The following BARD1 variants were observed in gnomAD, a reference collection of about 807,000 sequenced individuals.
The protein encoded by BARD1 is BRCA1 associated RING domain 1.
A neutral mutation model predicts 77.0 loss-of-function variants in BARD1; 73 were observed. The observed-to-expected ratio is 0.95, with a 90% confidence interval of 0.79 to 1.15. BARD1 has a LOEUF of 1.15. BARD1 is among the 50% of genes most tolerant of loss of function. The pLI, the probability that BARD1 is intolerant of heterozygous loss-of-function variation, is 0.00. For missense variants in BARD1, 993 were observed against 938.8 expected, an observed-to-expected ratio of 1.06 and a Z score of -0.75; for synonymous variants, 384 against 338.0, an observed-to-expected ratio of 1.14 and a Z score of -1.49.
rs1057521226 is a variant in BARD1, at chr2:214,780,956, A to G, written c.918T>C (p.Asn306=). The part of the protein sequence containing the change: ...EVVTPEKVCK[N]YLTSKKSLPL... Reference sequence around the variant, plus strand: ...GCAAAGATTTCTTAGATGTAAGATAATTTTTGCAGACCTTCTCAGGAGTCA... The same window carrying G: ...GCAAAGATTTCTTAGATGTAAGATAGTTTTTGCAGACCTTCTCAGGAGTCA... Residue 306 remains asparagine, a synonymous_variant, in exon 4 of 11, where the codon AAT becomes AAC. Transcript: ENST00000260947. 7 of 1,613,656 alleles carry G rather than the reference A, an allele frequency of 4.3e-6. No individual in the cohort carries two copies. The highest frequency in any genetic ancestry group is 4.5e-5 in the East Asian group (2 of 44,854).
chr2:214,785,546 T>C (rs1695234357), intron 3 of BARD1, among the ~76,000 whole-genome samples: 1 of 151,978 alleles, frequency 6.6e-6, no homozygotes. Flanking sequence ...GATGTTAGAA[T>C]TAATTTTAAG....
intron 4 of BARD1, among the ~76,000 whole-genome samples, chr2:214,770,839 T>TAAA (rs1694450150): frequency 6.6e-6 from 1 of 152,222 alleles, no homozygotes. Flanking sequence ...TCTTCTTTTT[T>TAAA]ATTTTCCTAG....
At chr2:214,732,524 TAGCTGG>T (rs1441065045) in intron 9 of BARD1, among the ~76,000 whole-genome samples, 1 of 152,074 alleles carries the variant, frequency 6.6e-6, no homozygotes, top group Non-Finnish European at 1.5e-5. Context: ...GCCTCCCAAG[TAGCTGG>T]GACTACAGGC....
chr2:214,807,665 A>G (rs1696335886), intron 1 of BARD1, among the ~76,000 whole-genome samples: 1 of 152,194 alleles, frequency 6.6e-6, no homozygotes, highest in Non-Finnish European at 1.5e-5. Context: ...TGGGTGCTCA[A>G]TAAATTTATG....
chr2:214,797,983 T>C (rs1695834603), intron 1 of BARD1, among the ~76,000 whole-genome samples: 2 of 152,244 alleles, frequency 1.3e-5, no homozygotes, highest in East Asian at 1.9e-4. Flanking sequence ...ATGGATGTAA[T>C]GTACCCAGAG....
At chr2:214,785,856 C>T (rs16852755) in intron 3 of BARD1, among the ~76,000 whole-genome samples, 16,662 of 151,968 alleles carry the variant, frequency 0.11, 1,133 homozygotes, top group African/African-American at 0.17. Context: ...CTAATTAACA[C>T]AGACAATCTC....
intron 3 of BARD1, among the ~76,000 whole-genome samples, chr2:214,782,827 G>T (rs887305874): frequency 1.3e-5 from 2 of 152,202 alleles, no homozygotes; most frequent in African/African-American, 4.8e-5. Context: ...TGACTGCCAT[G>T]TGGAGGAGGA....
rs1553622270 is a variant in BARD1, at chr2:214,780,809, T to C, written c.1065A>G (p.Glu355=). ...GDFVKQTVPS[E]NIPLPECSSP... is the part of the protein sequence containing the mutation. Reference sequence around the variant, plus strand: ...AAGAACATTCAGGCAATGGTATATTTTCTGAGGGCACCGTTTGCTTAACAA... The same window carrying C: ...AAGAACATTCAGGCAATGGTATATTCTCTGAGGGCACCGTTTGCTTAACAA... Residue 355 remains glutamate, a synonymous_variant, in exon 4 of 11, where the codon GAA becomes GAG. Coordinates refer to ENST00000260947, the MANE Select transcript of BARD1 (RefSeq NM_000465.4). 6.2e-7 allele frequency: 1 copy of C among 1,614,124 alleles called. No individual in the cohort carries two copies. Among genetic ancestry groups the C allele is most frequent in the East Asian group, 2.2e-5 (1 of 44,870 alleles).
At chr2:214,738,665 A>C (rs1692673731) in intron 9 of BARD1, among the ~76,000 whole-genome samples, 1 of 152,124 alleles carries the variant, frequency 6.6e-6, no homozygotes, top group South Asian at 2.1e-4. Context: ...TAAAAAAAGG[A>C]GGGGTGTTCC....
In BARD1 at chr2:214,745,724, G is replaced by C. The variant is rs730881421; in HGVS notation, c.1808C>G (p.Thr603Arg). The C allele has an allele frequency of 1.2e-6, 2 of 1,613,958 alleles. No homozygotes were observed. The highest frequency in any genetic ancestry group is 1.7e-6 in the Non-Finnish European group (2 of 1,179,954). Residue 603 changes from threonine (T) to arginine (R), a missense_variant and splice_region_variant, in exon 8 of 11, where the codon ACA becomes AGA. Thr to Arg is a moderately conservative substitution (Grantham distance 71, BLOSUM62 -1). Transcript: ENST00000260947. ...CTCCCAAAATTCAAAATCCTCACCTGTACTGTCAAACTCAGTATATTTTTT... is the reference window on the plus strand; with the variant it reads ...CTCCCAAAATTCAAAATCCTCACCTCTACTGTCAAACTCAGTATATTTTTT... ...KAKKYTEFDS[T>R]VTHVVVPGDA...
At chr2:214,792,869 T>G (rs1695595072) in intron 2 of BARD1, among the ~76,000 whole-genome samples, 1 of 152,200 alleles carries the variant, frequency 6.6e-6, no homozygotes, top group Non-Finnish European at 1.5e-5. Context: ...CTCAAGGCTT[T>G]AAAGTAGCTT....
In BARD1 at chr2:214,728,454, C is replaced by G. The variant is rs1269459256; in HGVS notation, c.*222G>C. 5 of 555,812 alleles carry G rather than the reference C, an allele frequency of 9.0e-6. No homozygotes were observed. The highest frequency in any genetic ancestry group is 1.6e-5 in the Non-Finnish European group (5 of 315,246). 34.4% of individuals were successfully genotyped at this position (555,812 alleles called of 1,614,324 possible). ...AAAGACATGATAAATCAAAAACATGCCAATTTTAAAAAGAAAAACCTTTAA... is the reference window on the plus strand; with the variant it reads ...AAAGACATGATAAATCAAAAACATGGCAATTTTAAAAAGAAAAACCTTTAA... On this transcript the variant is annotated 3_prime_UTR_variant, in exon 11 of 11. Transcript: ENST00000260947.
At chr2:214,783,277 T>C (rs1695124637) in intron 3 of BARD1, among the ~76,000 whole-genome samples, 1 of 152,112 alleles carries the variant, frequency 6.6e-6, no homozygotes, top group South Asian at 2.1e-4. Context: ...GTAGTAAGTT[T>C]AAGGAATTAA....
At chr2:214,805,071 G>T (rs1408496185) in intron 1 of BARD1, among the ~76,000 whole-genome samples, 1 of 152,162 alleles carries the variant, frequency 6.6e-6, no homozygotes, top group Admixed American at 6.5e-5. Flanking sequence ...TGAGGCAGGA[G>T]AATCACTTGA....
rs773958595 is a variant in BARD1 at position 214,728,799 on chromosome 2, G to A, written c.2211C>T (p.Ile737=). 6.2e-7 allele frequency: 1 copy of A among 1,614,062 alleles called. No homozygotes were observed. The highest frequency in any genetic ancestry group is 8.5e-7 in the Non-Finnish European group (1 of 1,180,032). Residue 737 remains isoleucine (I), a synonymous_variant, in exon 11 of 11, where the codon ATC becomes ATT. Transcript: ENST00000260947. ...GATAATTACACAAATCTTCATAGATGATATACTGTGTGCAGAAGCGCTGAT... is the reference window on the plus strand; with the variant it reads ...GATAATTACACAAATCTTCATAGATAATATACTGTGTGCAGAAGCGCTGAT... ...DSDQRFCTQY[I]IYEDLCNYHP...
chr2:214,781,003 T>C lies in BARD1; in HGVS notation c.871A>G (p.Thr291Ala). 1 of 1,613,180 alleles carries C rather than the reference T, an allele frequency of 6.2e-7. No homozygotes were observed. Among genetic ancestry groups the C allele is most frequent in the Non-Finnish European group, 8.5e-7 (1 of 1,179,496 alleles). The change falls in exon 4 of 11, where the codon ACT (threonine) becomes GCT (alanine). Residue 291 changes from threonine to alanine, a missense_variant. By Grantham distance (58) the Thr-to-Ala change is moderately conservative (BLOSUM62 0). Transcript: ENST00000260947. ...GTCACTACTTCATTCCTGCTCTTAG[T>C]GTCTGGAGACTCTATTTGCTCAGCC... is the stretch of plus-strand genomic sequence containing the variant. The part of the protein sequence containing the change: ...PLAEQIESPD[T>A]KSRNEVVTPE...
chr2:214,796,346 G>T (rs1695752618), intron 2 of BARD1, among the ~76,000 whole-genome samples: 1 of 152,142 alleles, frequency 6.6e-6, no homozygotes, highest in Non-Finnish European at 1.5e-5. Flanking sequence ...ACCTAATTTG[G>T]AAAAAGAGGC....
At chr2:214,752,997 G>A (rs1693530601) in intron 6 of BARD1, among the ~76,000 whole-genome samples, 1 of 152,108 alleles carries the variant, frequency 6.6e-6, no homozygotes. Flanking sequence ...ATAACAAACA[G>A]TTTAATAATA....
chr2:214,785,201 G>A (rs1230186555), intron 3 of BARD1, among the ~76,000 whole-genome samples: 3 of 151,818 alleles, frequency 2.0e-5, no homozygotes, highest in Admixed American at 6.6e-5. Context: ...CTTGCTAATT[G>A]TTTTACAGTT....
Sources: allele counts gnomAD v4.1 joint callset (sites outside exome capture counted in the v4.1 genomes callset), GRCh38; gene constraint gnomAD v4.1.1; transcripts MANE v1.5; gene names NCBI Gene and HGNC (gene_info 2026-07-23, HGNC 2026-07-21).